The following ABCB11 variants were observed in gnomAD, a reference collection of about 807,000 sequenced individuals.
ABCB11 encodes the protein bile salt export pump.
Under a neutral mutation model 148.0 loss-of-function variants are expected in ABCB11, and 95 were observed. The ratio of observed to expected loss-of-function variants is 0.64; its 90% CI spans 0.54 to 0.76. ABCB11 has a LOEUF of 0.76. Ranked by LOEUF, ABCB11 falls within the 30% of genes least tolerant of loss-of-function variation. The pLI is 0.00. For synonymous variants in ABCB11, 591 were observed against 555.4 expected (o/e 1.06, Z -0.90); for missense variants, 1,523 against 1,617.8 (o/e 0.94, Z 1.01).
At chr2:168,977,345 G>A (rs1226102806) in intron 11 of ABCB11, among the ~76,000 whole-genome samples, 1 of 152,056 alleles carries the variant, frequency 6.6e-6, no homozygotes, top group Admixed American at 6.6e-5. Context: ...TCAACCAATC[G>A]GGGGTCCGAG....
At chr2:168,985,553 T>C (rs1292103166) in intron 10 of ABCB11, among the ~76,000 whole-genome samples, 1 of 152,078 alleles carries the variant, frequency 6.6e-6, no homozygotes, top group East Asian at 1.9e-4. Flanking sequence ...ATAACATATA[T>C]GTATATATAT....
intron 17 of ABCB11, 91 bp from the exon 18 acceptor site, chr2:168,964,399 A>C: frequency 2.0e-6 from 2 of 1,018,584 alleles, no homozygotes; most frequent in Non-Finnish European, 2.9e-6. Context: ...CATATGTCAA[A>C]TAAATAGAAA....
intron 19 of ABCB11, among the ~76,000 whole-genome samples, chr2:168,947,341 C>T (rs904928033): frequency 2.7e-5 from 3 of 112,666 alleles, no homozygotes; most frequent in Non-Finnish European, 5.9e-5. Context: ...TGGCGACTCT[C>T]ACATCCATTT....
chr2:168,967,458 G>A (rs1374309068), intron 17 of ABCB11, among the ~76,000 whole-genome samples: 1 of 151,870 alleles, frequency 6.6e-6, no homozygotes, highest in African/African-American at 2.4e-5. Context: ...TACTTTTTGT[G>A]AGCTATTCTT....
chr2:168,916,248 T>C (rs1690939051), downstream of ABCB11, among the ~76,000 whole-genome samples: 2 of 152,224 alleles, frequency 1.3e-5, no homozygotes, highest in African/African-American at 4.8e-5. Context: ...TTTCCATTTC[T>C]ATCTCCAGCT....
In ABCB11 at chr2:168,993,767, A is replaced by G. The variant is rs1350634561; in HGVS notation, c.727T>C (p.Leu243=). The change falls in exon 8 of 28, where the codon TTG becomes CTG. Residue 243 remains leucine, a synonymous_variant. Transcript: ENST00000650372. The stretch of plus-strand genomic sequence containing the variant: ...AGAGGGCTGACAGAAATAATAACCA[A>G]GGTCAGTTTCCAACCCCTGAAAAAT... The part of the protein sequence containing the change: ...LGFFRGWKLT[L]VIISVSPLIG... The G allele has an allele frequency of 6.2e-7, 1 of 1,610,666 alleles. No homozygotes were observed. Among genetic ancestry groups the G allele is most frequent in the Non-Finnish European group, 8.5e-7 (1 of 1,178,338 alleles).
At position 168,936,305 on chromosome 2, in the gene ABCB11, TAA is replaced by T. The variant is rs1691824246; in HGVS notation, c.2737_2738del (p.Leu913IlefsTer17). ...ACATCCTGGTCTGTGTGGCTCCTGATAAAGCCAAGAAGGGGAAGAAGCACAAG... is the reference window on the plus strand; with the variant it reads ...ACATCCTGGTCTGTGTGGCTCCTGATAGCCAAGAAGGGGAAGAAGCACAAG... ...VILCFFPFLA[L>X]SGATQTRMLT... On this transcript the variant is annotated frameshift_variant, in exon 22 of 28. Transcript: ENST00000650372. LOFTEE classifies it high-confidence loss of function. 6.2e-7 allele frequency: 1 copy of T among 1,613,778 alleles called. No individual in the cohort carries two copies. Among genetic ancestry groups the T allele is most frequent in the African/African-American group, 1.3e-5 (1 of 74,884 alleles).
intron 8 of ABCB11, among the ~76,000 whole-genome samples, chr2:168,992,722 C>T (rs931532689): frequency 1.3e-5 from 2 of 152,004 alleles, no homozygotes; most frequent in Non-Finnish European, 1.5e-5. Context: ...AACCTGTTAG[C>T]GGTACAGCCA....
At chr2:168,943,793 T>TA (rs869222757) in intron 21 of ABCB11, among the ~76,000 whole-genome samples, 1 of 37,690 alleles carries the variant, frequency 2.7e-5, no homozygotes, top group African/African-American at 6.3e-5. Flanking sequence ...GTCCAGTGAG[T>TA]TTTTTCTTCT....
intron 13 of ABCB11, 148 bp downstream of exon 13, chr2:168,973,567 G>A (rs567378656): frequency 5.4e-5 from 51 of 952,112 alleles, no homozygotes; most frequent in South Asian, 3.1e-4. Context: ...TGTAGGAAGC[G>A]TGTCCCATCA....
Position 168,932,403 on chromosome 2 carries a change from C to T in ABCB11, c.3187G>A (p.Val1063Ile). Residue 1063 changes from valine to isoleucine, a missense_variant, in exon 24 of 28, where the codon GTA becomes ATA. Transcript: ENST00000650372. ...CATTTTTCACCTGCAGTATTGTATA[C>T]ACTGATTGGGGGTTGTCGGTCCAGC... is the stretch of plus-strand genomic sequence containing the variant. ...QLLDRQPPIS[V>I]YNTAGEKWDN... 1.3e-6 allele frequency: 2 copies of T among 1,573,246 alleles called. No individual in the cohort carries two copies. The highest frequency in any genetic ancestry group is 2.3e-5 in the East Asian group (1 of 42,918).
intron 26 of ABCB11, 109 bp downstream of exon 26, chr2:168,927,046 AT>A: frequency 8.8e-7 from 1 of 1,138,442 alleles, no homozygotes; most frequent in Non-Finnish European, 1.2e-6. Flanking sequence ...ATTTTGGAAC[AT>A]TTTGGATTTG....
At chr2:168,962,961 T>A (rs2105944248) in intron 18 of ABCB11, among the ~76,000 whole-genome samples, 1 of 151,880 alleles carries the variant, frequency 6.6e-6, no homozygotes, top group Admixed American at 6.6e-5. Flanking sequence ...TATTCAGTAT[T>A]AATACATTAA....
At chr2:168,952,345 T>G (rs1399560803) in intron 19 of ABCB11, among the ~76,000 whole-genome samples, 2 of 151,638 alleles carry the variant, frequency 1.3e-5, no homozygotes, top group Non-Finnish European at 3.0e-5. Flanking sequence ...TGAATCCTTC[T>G]GGTCCTGGGC....
intron 5 of ABCB11, among the ~76,000 whole-genome samples, chr2:169,006,304 T>A (rs1695017504): frequency 6.6e-6 from 1 of 152,180 alleles, no homozygotes; most frequent in Non-Finnish European, 1.5e-5. Flanking sequence ...TGCATGATCA[T>A]CTTAATAGAT....
intron 12 of ABCB11, among the ~76,000 whole-genome samples, chr2:168,974,523 T>C (rs1693729201): frequency 1.3e-5 from 2 of 151,988 alleles, no homozygotes. Context: ...ACGCCTTTCA[T>C]TTCACACTAG....
intron 1 of ABCB11, 100 bp from the exon 2 acceptor site, chr2:169,018,252 T>G (rs1020852079): frequency 1.9e-6 from 2 of 1,055,728 alleles, no homozygotes; most frequent in Non-Finnish European, 2.8e-6. Context: ...AGAAATAATC[T>G]TTACTAATCA....
intron 21 of ABCB11, among the ~76,000 whole-genome samples, chr2:168,939,741 A>AT (rs1313702884): frequency 6.6e-6 from 1 of 152,094 alleles, no homozygotes; most frequent in Non-Finnish European, 1.5e-5. Flanking sequence ...AGATATTGTG[A>AT]TTTTTACTAA....
chr2:168,986,337 A>C, intron 9 of ABCB11, 53 bp from the exon 10 acceptor site: 1 of 1,503,686 alleles, frequency 6.7e-7, no homozygotes. Context: ...TCAAGTTATA[A>C]TGTTTAAAAC....
Sources: gnomAD v4.1 joint callset for allele counts (sites outside exome capture counted in the v4.1 genomes callset) on GRCh38, gnomAD v4.1.1 for gene constraint, MANE v1.5 for transcripts, NCBI Gene and HGNC (gene_info 2026-07-23, HGNC 2026-07-21) for gene names.